Variants in ZEB2 observed in about 807,000 individuals in gnomAD.
The protein encoded by ZEB2 is zinc finger E-box binding homeobox 2.
Under a neutral mutation model 99.9 loss-of-function variants are expected in ZEB2, and 6 were observed. The ratio of observed to expected loss-of-function variants is 0.06; its 90% confidence interval spans 0.03 to 0.12. The LOEUF is 0.12. Ranked by LOEUF, ZEB2 falls within the 10% of genes least tolerant of loss-of-function variation. The pLI is 1.00. For synonymous variants in ZEB2, 517 were observed against 542.5 expected (o/e 0.95, Z 0.65); for missense variants, 969 against 1,502.8 (o/e 0.64, Z 5.87).
At chr2:144,453,441 A>G (rs1351352957) in intron 2 of ZEB2, among the ~76,000 whole-genome samples, 1 of 152,206 alleles carries the variant, frequency 6.6e-6, no homozygotes, top group East Asian at 1.9e-4. Context: ...TTCATCTCAA[A>G]TAATTTTTCA....
chr2:144,438,879 G>C (rs1703870757), intron 2 of ZEB2, among the ~76,000 whole-genome samples: 1 of 152,070 alleles, frequency 6.6e-6, no homozygotes, highest in African/African-American at 2.4e-5. Context: ...TTTCAAAACA[G>C]CATCATTGCA....
intron 2 of ZEB2, among the ~76,000 whole-genome samples, chr2:144,510,074 G>A (rs1341106271): frequency 2.0e-5 from 3 of 152,012 alleles, no homozygotes; most frequent in Non-Finnish European, 2.9e-5. Context: ...TGTGAAAAAC[G>A]TGGCACTTTA....
At chr2:144,457,466 T>C (rs1704135507) in intron 2 of ZEB2, among the ~76,000 whole-genome samples, 1 of 152,194 alleles carries the variant, frequency 6.6e-6, no homozygotes, top group African/African-American at 2.4e-5. Flanking sequence ...ATAGGATTTT[T>C]AACTATTTAA....
At chr2:144,502,791 A>T (rs1704893143) in intron 2 of ZEB2, among the ~76,000 whole-genome samples, 1 of 152,062 alleles carries the variant, frequency 6.6e-6, no homozygotes, top group Non-Finnish European at 1.5e-5. Context: ...TTTGTTTTTA[A>T]GTCTCAATCT....
intron 3 of ZEB2, 181 bp from the exon 4 acceptor site, chr2:144,425,048 G>T (rs1021095616): frequency 7.9e-6 from 5 of 633,920 alleles, no homozygotes; most frequent in Non-Finnish European, 1.4e-5. Flanking sequence ...AGCTGCACAA[G>T]AACTTATTTA....
intron 6 of ZEB2, 69 bp downstream of exon 6, chr2:144,403,847 C>T: frequency 6.3e-7 from 1 of 1,585,932 alleles, no homozygotes; most frequent in Non-Finnish European, 8.7e-7. Context: ...ATAATGATTG[C>T]CAATCAAAGC....
intron 4 of ZEB2, among the ~76,000 whole-genome samples, chr2:144,411,806 G>A (rs925518059): frequency 3.9e-5 from 6 of 152,298 alleles, no homozygotes; most frequent in Middle Eastern, 3.4e-3. Context: ...GGTGAAGAGT[G>A]GACAAGGAAT....
chr2:144,427,739 G>A (rs1297427096), intron 3 of ZEB2: 1 of 151,998 alleles, frequency 6.6e-6, no homozygotes, highest in Admixed American at 6.6e-5. Flanking sequence ...GGTAATAGCC[G>A]GGTAAGTTTC....
At chr2:144,518,472 C>T (rs1218191275) in intron 1 of ZEB2, 2 of 152,146 alleles carry the variant, frequency 1.3e-5, no homozygotes, top group Non-Finnish European at 2.9e-5. Context: ...CAGATGCAAA[C>T]TGTAACACAA....
intron 2 of ZEB2, among the ~76,000 whole-genome samples, chr2:144,500,909 G>A (rs1704858480): frequency 6.6e-6 from 1 of 152,144 alleles, no homozygotes; most frequent in Non-Finnish European, 1.5e-5. Flanking sequence ...GCACTGGTGT[G>A]CTGTAGCGCT....
intron 2 of ZEB2, chr2:144,515,900 CG>C (rs1235753078): frequency 6.6e-6 from 1 of 152,288 alleles, no homozygotes; most frequent in Non-Finnish European, 1.5e-5. Flanking sequence ...CGCCCCCAGC[CG>C]CCCCCTCCCC....
chr2:144,427,611 A>G (rs1289219654), intron 3 of ZEB2: 1 of 152,226 alleles, frequency 6.6e-6, no homozygotes, highest in Non-Finnish European at 1.5e-5. Flanking sequence ...AGGATAAACA[A>G]TGAGTAGCTT....
intron 2 of ZEB2, among the ~76,000 whole-genome samples, chr2:144,440,502 TATATATATATA>T (rs1182998517): frequency 0.015 from 177 of 11,464 alleles, no homozygotes; most frequent in African/African-American, 0.039. Flanking sequence ...TATATATATA[TATATATATATA>T]TATTTTTTTT....
intron 2 of ZEB2, among the ~76,000 whole-genome samples, chr2:144,485,615 CT>C (rs1348373692): frequency 6.6e-6 from 1 of 151,978 alleles, no homozygotes; most frequent in Non-Finnish European, 1.5e-5. Context: ...TCTTCCTTTT[CT>C]TTTATTTCTT....
chr2:144,389,644 A>G lies in ZEB2; in HGVS notation c.3452T>C (p.Leu1151Pro), dbSNP rs1553960747. ...CTCCTCGTCGCCATCCTGTCTGCCC[A>G]GCTTCCCGTAGCCATCCTCGCCTTC... ...EKEGEDGYGK[L>P]GRQDGDEEFE... The change falls in exon 10 of 10, where the codon CTG becomes CCG. Residue 1151 changes from leucine to proline, a missense_variant. Physicochemically the swap from Leu to Pro is moderately conservative, Grantham distance 98. This residue lies in a region of ZEB2 where 121 missense variants were observed against 166.4 expected (regional missense o/e 0.73). Coordinates refer to ENST00000627532, the MANE Select transcript of ZEB2 (RefSeq NM_014795.4). The surrounding 1 kb of genome is among the most constrained non-coding windows in gnomAD (Gnocchi z 6.8). The G allele has an allele frequency of 2.5e-6, 4 of 1,613,786 alleles. No homozygotes were observed. The highest frequency in any genetic ancestry group is 2.2e-5 in the East Asian group (1 of 44,856).
intron 2 of ZEB2, chr2:144,513,470 T>C: frequency 6.6e-7 from 1 of 1,506,430 alleles, no homozygotes; most frequent in Non-Finnish European, 8.8e-7. Flanking sequence ...TTCTCCTATT[T>C]CCCTTTTCTC....
At chr2:144,413,155 T>C (rs1703487859) in intron 4 of ZEB2, among the ~76,000 whole-genome samples, 1 of 152,226 alleles carries the variant, frequency 6.6e-6, no homozygotes, top group South Asian at 2.1e-4. Context: ...GAGAATTTTA[T>C]CTGTATTCTT....
At chr2:144,489,907 C>T (rs1023589130) in intron 2 of ZEB2, among the ~76,000 whole-genome samples, 1 of 152,220 alleles carries the variant, frequency 6.6e-6, no homozygotes, top group African/African-American at 2.4e-5. Flanking sequence ...AGTGGACATT[C>T]CTTCTGAAAC....
chr2:144,442,354 T>A (rs1703928799), intron 2 of ZEB2, among the ~76,000 whole-genome samples: 2 of 152,186 alleles, frequency 1.3e-5, no homozygotes, highest in Non-Finnish European at 2.9e-5. Context: ...AAAAATTTAG[T>A]TTCATATCAT....
Sources: allele counts gnomAD v4.1 joint callset (sites outside exome capture counted in the v4.1 genomes callset), GRCh38; gene constraint gnomAD v4.1.1; regional missense constraint gnomAD v4.1.1; non-coding constraint Gnocchi (gnomAD v3.1); transcripts MANE v1.5; gene names NCBI Gene and HGNC (gene_info 2026-07-23, HGNC 2026-07-21).